Variants in DLG2 observed in about 807,000 individuals in gnomAD.
DLG2 encodes the protein discs large MAGUK scaffold protein 2.
A neutral mutation model predicts 132.5 loss-of-function variants in DLG2; 45 were observed. The ratio of observed to expected loss-of-function variants is 0.34; its 90% CI spans 0.27 to 0.44. The LOEUF (loss-of-function observed/expected upper bound fraction) is 0.44, where lower values mean the gene tolerates loss of function less well. DLG2 is among the 20% of genes least tolerant of loss of function. The pLI is 1.00. For synonymous variants in DLG2, 424 were observed against 419.6 expected (o/e 1.01, Z -0.13); for missense variants, 1,045 against 1,196.9 (o/e 0.87, Z 1.87).
intron 7 of DLG2, among the ~76,000 whole-genome samples, chr11:84,395,120 C>T (rs1037450930): frequency 1.3e-5 from 2 of 152,022 alleles, no homozygotes; most frequent in African/African-American, 2.4e-5. Flanking sequence ...TTTGCTGTTA[C>T]ACTTCTCAAC....
chr11:85,315,956 C>A (rs982667975), intron 3 of DLG2, among the ~76,000 whole-genome samples: 2 of 152,012 alleles, frequency 1.3e-5, no homozygotes, highest in African/African-American at 4.8e-5. Flanking sequence ...TTCTCCCTCA[C>A]CTGAATTATC....
chr11:83,590,222 T>G (rs1467838931), intron 19 of DLG2, among the ~76,000 whole-genome samples: 1 of 150,840 alleles, frequency 6.6e-6, no homozygotes, highest in African/African-American at 2.4e-5. Flanking sequence ...TATTCCAAAA[T>G]TGACCACATA....
chr11:84,435,376 T>G (rs2098997473), intron 7 of DLG2, among the ~76,000 whole-genome samples: 1 of 152,206 alleles, frequency 6.6e-6, no homozygotes, highest in South Asian at 2.1e-4. Flanking sequence ...CTACATTTTT[T>G]GAGGCAACAC....
intron 3 of DLG2, among the ~76,000 whole-genome samples, chr11:85,569,311 C>T (rs762823168): frequency 5.9e-5 from 9 of 152,176 alleles, no homozygotes; most frequent in Admixed American, 4.6e-4. Context: ...GGATTACAGG[C>T]ATGAGCCACC....
chr11:83,456,762 T>C lies in DLG2; in HGVS notation c.*3056A>G, dbSNP rs758578987. The C allele has an allele frequency of 2.1e-3, 316 of 152,108 alleles. 2 individuals are homozygous for C. Among genetic ancestry groups the C allele is most frequent in the Non-Finnish European group, 3.7e-3 (253 of 68,042 alleles). The allele number at this position is 152,108 out of a possible 1,614,324, so 9.4% of individuals were successfully genotyped here. On this transcript the variant is annotated 3_prime_UTR_variant, in exon 28 of 28. Coordinates refer to ENST00000376104, the MANE Select transcript of DLG2 (RefSeq NM_001142699.3). Reference sequence around the variant, plus strand: ...AGCCAGAGGTTGGAGAGTTCTTTCCTGGCTCGGAGTCCTGAAGGGCCGGCA... The same window carrying C: ...AGCCAGAGGTTGGAGAGTTCTTTCCCGGCTCGGAGTCCTGAAGGGCCGGCA...
chr11:85,042,993 C>T (rs534731572), intron 6 of DLG2, among the ~76,000 whole-genome samples: 1 of 151,744 alleles, frequency 6.6e-6, no homozygotes, highest in African/African-American at 2.4e-5. Context: ...TAATTTGAAC[C>T]ATTTCAGGCA....
chr11:84,004,086 C>A (rs983877066), intron 11 of DLG2, among the ~76,000 whole-genome samples: 1 of 152,004 alleles, frequency 6.6e-6, no homozygotes, highest in Non-Finnish European at 1.5e-5. Flanking sequence ...CCCTAACTCA[C>A]TCTATGACCA....
chr11:83,790,576 G>A, intron 17 of DLG2: 2 of 1,307,804 alleles, frequency 1.5e-6, no homozygotes, highest in East Asian at 2.3e-5. Flanking sequence ...TCAGCCATGT[G>A]GGCTTCTGTG....
chr11:83,772,448 AGGAG>A lies in DLG2; in HGVS notation c.1825+14238_1825+14241del, dbSNP rs562337022. Among the ~76,000 whole-genome samples, 250 of 125,398 alleles carry A rather than the reference AGGAG, an allele frequency of 2.0e-3. 2 individuals are homozygous for A. The highest frequency in any genetic ancestry group is 7.9e-3 in the East Asian group (29 of 3,658). The allele number at this position is 125,398 out of a possible 152,430, so 82.3% of individuals were successfully genotyped here. A position where few individuals can be genotyped will look rare whatever the true frequency, so the allele number is the denominator to read the frequency against. On this transcript the variant is annotated intron_variant, in intron 18 of 27. Transcript: ENST00000376104. Reference sequence around the variant, plus strand: ...AGAAAAGAAAAGAAAAAAAAAGAGAAGGAGGGAGGGAGGGAGGGAGGAAGGAAGG... The same window carrying A: ...AGAAAAGAAAAGAAAAAAAAAGAGAAGGAGGGAGGGAGGGAGGAAGGAAGG...
At chr11:84,851,641 A>T (rs1175673876) in intron 6 of DLG2, among the ~76,000 whole-genome samples, 1 of 151,992 alleles carries the variant, frequency 6.6e-6, no homozygotes, top group Non-Finnish European at 1.5e-5. Flanking sequence ...CTTTTTGGGG[A>T]GTTGATGGAG....
chr11:84,561,988 C>T (rs905157506), intron 6 of DLG2, among the ~76,000 whole-genome samples: 3 of 151,672 alleles, frequency 2.0e-5, no homozygotes, highest in Non-Finnish European at 4.4e-5. Flanking sequence ...CAAAATGTGA[C>T]AAAATTTCAT....
At chr11:85,126,763 A>G (rs2152390898) in intron 5 of DLG2, among the ~76,000 whole-genome samples, 1 of 152,340 alleles carries the variant, frequency 6.6e-6, no homozygotes, top group East Asian at 1.9e-4. Flanking sequence ...TAAAGAAGCT[A>G]TAGACCCTAA....
At chr11:85,399,128 C>T (rs901427211) in intron 3 of DLG2, among the ~76,000 whole-genome samples, 16 of 152,184 alleles carry the variant, frequency 1.1e-4, no homozygotes, top group Admixed American at 2.6e-4. Flanking sequence ...CATTCTTATA[C>T]ACCAATAACA....
At chr11:83,769,333 C>T (rs965189886) in intron 18 of DLG2, among the ~76,000 whole-genome samples, 13 of 152,046 alleles carry the variant, frequency 8.6e-5, no homozygotes, top group Non-Finnish European at 1.5e-4. Context: ...GATCAATTGA[C>T]TGAATCATTC....
intron 7 of DLG2, among the ~76,000 whole-genome samples, chr11:84,262,354 A>G (rs982319997): frequency 1.3e-5 from 2 of 152,184 alleles, no homozygotes; most frequent in African/African-American, 4.8e-5. Flanking sequence ...GGATTTGGAG[A>G]AAAAACTAAG....
chr11:84,852,310 G>A (rs897550371), intron 6 of DLG2, among the ~76,000 whole-genome samples: 7 of 152,000 alleles, frequency 4.6e-5, no homozygotes, highest in Admixed American at 2.6e-4. Flanking sequence ...TGCACCAGAT[G>A]ATATAATTTC....
At chr11:84,223,603 C>A (rs897100273) in intron 8 of DLG2, among the ~76,000 whole-genome samples, 4 of 149,918 alleles carry the variant, frequency 2.7e-5, no homozygotes, top group African/African-American at 9.9e-5. Flanking sequence ...GTCATCCAGG[C>A]TGGATTGCAG....
intron 27 of DLG2, among the ~76,000 whole-genome samples, chr11:83,461,266 C>T (rs1591211760): frequency 6.6e-6 from 1 of 152,038 alleles, no homozygotes; most frequent in African/African-American, 2.4e-5. Flanking sequence ...CCACCTCAGC[C>T]TCCCAAAGTG....
chr11:83,915,594 A>G (rs1391364640), intron 15 of DLG2, among the ~76,000 whole-genome samples: 2 of 152,206 alleles, frequency 1.3e-5, no homozygotes, highest in Non-Finnish European at 2.9e-5. Flanking sequence ...CCTTTCATAG[A>G]CAAATTAAAA....
Sources: gnomAD v4.1 joint callset for allele counts (sites outside exome capture counted in the v4.1 genomes callset) on GRCh38, gnomAD v4.1.1 for gene constraint, MANE v1.5 for transcripts, NCBI Gene and HGNC (gene_info 2026-07-23, HGNC 2026-07-21) for gene names.